The following TEX11 variants were observed in gnomAD, a reference collection of about 807,000 sequenced individuals.
The protein encoded by TEX11 is testis-expressed protein 11.
TEX11 carries 7 observed loss-of-function variants against 84.4 expected under a neutral mutation model. That is an observed-to-expected ratio of 0.08 (90% confidence interval 0.05 to 0.16). TEX11 has a LOEUF of 0.16. Ranked by LOEUF, TEX11 falls within the 10% of genes least tolerant of loss-of-function variation. The pLI is 1.00. For missense variants in TEX11, 551 were observed against 660.5 expected, an observed-to-expected ratio of 0.83 and a Z score of 1.82; for synonymous variants, 264 against 222.8, an observed-to-expected ratio of 1.18 and a Z score of -1.64.
intron 17 of TEX11, among the ~76,000 whole-genome samples, chrX:70,636,266 C>A (rs982766289): frequency 9.0e-6 from 1 of 111,047 alleles, no homozygotes; most frequent in Non-Finnish European, 1.9e-5. Context: ...GGCTTCAAGG[C>A]AGTCCTTGTG....
At chrX:70,731,310 G>C (rs1040468770) in intron 11 of TEX11, among the ~76,000 whole-genome samples, 4 of 111,302 alleles carry the variant, frequency 3.6e-5, no homozygotes, top group African/African-American at 6.5e-5. Flanking sequence ...GATCAGAGCA[G>C]AACTGAAGGA....
At chrX:70,531,391 T>C (rs924415831) in intron 28 of TEX11, among the ~76,000 whole-genome samples, 2 of 112,142 alleles carry the variant, frequency 1.8e-5, no homozygotes, top group Non-Finnish European at 3.8e-5. Flanking sequence ...CTTTGAACAC[T>C]GTACTGCCTG....
rs747201851 is a variant in TEX11, at chrX:70,679,786, G to A, written c.1157-897C>T. ...GCCCGTCCGGGAGGGAGGTGGGGGGGTCAGCCCCCCGCCCGGCCAGCCGCC... is the reference window on the plus strand; with the variant it reads ...GCCCGTCCGGGAGGGAGGTGGGGGGATCAGCCCCCCGCCCGGCCAGCCGCC... On this transcript the variant is annotated intron_variant, in intron 14 of 29. Transcript: ENST00000374333. Among the ~76,000 whole-genome samples the A allele has an allele frequency of 5.6e-3, 578 of 102,851 alleles. 2 individuals are homozygous for A. The highest frequency in any genetic ancestry group is 0.015 in the African/African-American group (419 of 28,309). 89.3% of individuals were successfully genotyped at this position (102,851 alleles called of 115,157 possible).
At chrX:70,556,253 T>A (rs2088284836) in intron 25 of TEX11, among the ~76,000 whole-genome samples, 1 of 110,966 alleles carries the variant, frequency 9.0e-6, no homozygotes, top group Non-Finnish European at 1.9e-5. Flanking sequence ...GAGCATTTAA[T>A]GCTATACACT....
rs1204807875 is a variant in TEX11, at chrX:70,834,379, CTA to C, written c.526-788_526-787del. 2.7e-5 allele frequency among the ~76,000 whole-genome samples: 3 copies of C among 110,850 alleles called. No homozygotes were observed. The East Asian group carries it at 8.5e-4, about 31-fold the overall frequency. On this transcript the variant is annotated intron_variant, in intron 7 of 29. Coordinates refer to ENST00000374333, the MANE Select transcript of TEX11 (RefSeq NM_031276.3). ...CAGGGTTCCTTTCAGTTCTACCATT[CTA>C]TGTCTGAACACCCCCAAATGAATGT...
At chrX:70,645,383 G>A (rs983678655) in intron 17 of TEX11, among the ~76,000 whole-genome samples, 8 of 110,832 alleles carry the variant, frequency 7.2e-5, no homozygotes, top group African/African-American at 2.3e-4. Context: ...TCTAAAATAA[G>A]GAAGAAGACA....
intron 17 of TEX11, among the ~76,000 whole-genome samples, chrX:70,647,821 T>C (rs773981425): frequency 8.9e-6 from 1 of 111,739 alleles, no homozygotes; most frequent in Non-Finnish European, 1.9e-5. Flanking sequence ...GGTGGGACTG[T>C]AAACTAGTTC....
At chrX:70,711,887 T>A (rs1273379180) in intron 13 of TEX11, among the ~76,000 whole-genome samples, 1 of 111,815 alleles carries the variant, frequency 8.9e-6, no homozygotes, top group Non-Finnish European at 1.9e-5. Context: ...TGAATGGTAT[T>A]GCCTAGGTTT....
intron 12 of TEX11, among the ~76,000 whole-genome samples, chrX:70,725,049 TTA>T (rs1491112086): frequency 9.3e-6 from 1 of 107,489 alleles, no homozygotes; most frequent in East Asian, 2.8e-4. Flanking sequence ...TCAGCTTTTT[TTA>T]AAAAAAAAAA....
At chrX:70,655,832 G>A (rs2089859458) in intron 16 of TEX11, among the ~76,000 whole-genome samples, 1 of 110,101 alleles carries the variant, frequency 9.1e-6, no homozygotes, top group African/African-American at 3.3e-5. Context: ...GCATCCCTAG[G>A]AAACTAATAC....
intron 25 of TEX11, among the ~76,000 whole-genome samples, chrX:70,562,491 A>C (rs2088388373): frequency 8.9e-6 from 1 of 112,376 alleles, no homozygotes; most frequent in African/African-American, 3.2e-5. Flanking sequence ...AGTATTGTGC[A>C]TAGTTCTTTT....
chrX:70,778,256 T>C (rs1343089488), intron 9 of TEX11, among the ~76,000 whole-genome samples: 1 of 111,633 alleles, frequency 9.0e-6, no homozygotes, highest in Non-Finnish European at 1.9e-5. Flanking sequence ...AGTATCAACA[T>C]GACTGAAGGG....
chrX:70,518,539 C>A, the TEX11 span, among the ~76,000 whole-genome samples: 2 of 111,793 alleles, frequency 1.8e-5, no homozygotes, highest in African/African-American at 6.5e-5. Context: ...TGCTTTACTT[C>A]CAACTATGTG....
At chrX:70,615,386 T>A (rs1353371715) in intron 20 of TEX11, among the ~76,000 whole-genome samples, 3 of 111,421 alleles carry the variant, frequency 2.7e-5, no homozygotes. Flanking sequence ...AGTTGAAAAA[T>A]GCAATTGAAG....
intron 9 of TEX11, among the ~76,000 whole-genome samples, chrX:70,751,115 G>T (rs1244258808): frequency 2.9e-5 from 3 of 104,004 alleles, no homozygotes; most frequent in African/African-American, 1.0e-4. Context: ...ATTTGACCTA[G>T]CCCTCCCATT....
chrX:70,608,861 T>G (rs759192710), intron 22 of TEX11, among the ~76,000 whole-genome samples: 1 of 111,723 alleles, frequency 9.0e-6, no homozygotes, highest in South Asian at 3.8e-4. Context: ...GGGACACAAC[T>G]AATGTCCATT....
At chrX:70,571,121 C>A (rs959170285) in intron 25 of TEX11, among the ~76,000 whole-genome samples, 1 of 111,073 alleles carries the variant, frequency 9.0e-6, no homozygotes, top group African/African-American at 3.3e-5. Context: ...CAAGCTCAGG[C>A]GATTCTCATG....
chrX:70,904,911 C>T (rs928036135), intron 2 of TEX11, among the ~76,000 whole-genome samples: 16 of 112,438 alleles, frequency 1.4e-4, no homozygotes, highest in African/African-American at 4.8e-4. Flanking sequence ...TCTGTTTAAA[C>T]ATTTTTAATA....
intron 9 of TEX11, among the ~76,000 whole-genome samples, chrX:70,796,645 A>C (rs2091157343): frequency 8.9e-6 from 1 of 112,547 alleles, no homozygotes; most frequent in Admixed American, 9.4e-5. Flanking sequence ...GCTGCACAGC[A>C]AAAGAAACTA....
Sources: allele counts gnomAD v4.1 joint callset (sites outside exome capture counted in the v4.1 genomes callset), GRCh38; gene constraint gnomAD v4.1.1; transcripts MANE v1.5; gene names NCBI Gene and HGNC (gene_info 2026-07-23, HGNC 2026-07-21).